MORN1: variants seen among roughly 807,000 people sequenced by gnomAD.
MORN1 encodes MORN repeat containing 1, also known as MORN repeat-containing protein 1.
Under a neutral mutation model 61.9 loss-of-function variants are expected in MORN1, and 67 were observed. The observed-to-expected ratio is 1.08, with a 90% confidence interval of 0.89 to 1.33. MORN1 has a LOEUF of 1.33. Ranked by LOEUF, MORN1 falls within the 40% of genes most tolerant of loss-of-function variation. The pLI is 0.00. For synonymous variants in MORN1, 301 were observed against 292.0 expected, an observed-to-expected ratio of 1.03 and a Z score of -0.31; for missense variants, 752 against 691.2, an observed-to-expected ratio of 1.09 and a Z score of -0.99.
At chr1:2,360,811 C>T (rs1335204507) in intron 8 of MORN1, among the ~76,000 whole-genome samples, 1 of 152,208 alleles carries the variant, frequency 6.6e-6, no homozygotes, top group Non-Finnish European at 1.5e-5. Context: ...GGTGCCTGTT[C>T]TCCTCAGCCA....
rs762919747 is a variant in MORN1 at position 2,385,911 on chromosome 1, C to T, written c.359-14G>A. On this transcript the variant is annotated splice_polypyrimidine_tract_variant and intron_variant, in intron 4 of 13. Transcript: ENST00000378531. ...GAAACCCGTGTCCTGGAGAAGGGAC[C>T]GAGAGACAGACTTGGCTTTGTGCCT... 16 of 1,611,794 alleles carry T rather than the reference C, an allele frequency of 9.9e-6. No individual in the cohort carries two copies. In the Admixed American group the frequency reaches 1.2e-4, roughly 12 times the overall value.
chr1:2,359,828 A>G (rs6424093), intron 8 of MORN1, among the ~76,000 whole-genome samples: 24,119 of 151,284 alleles, frequency 0.16, 2,320 homozygotes, highest in East Asian at 0.39. Flanking sequence ...GGCTGCAGTG[A>G]GCCAGGATCA....
At chr1:2,383,178 G>A (rs1215953380) in intron 6 of MORN1, among the ~76,000 whole-genome samples, 2 of 152,152 alleles carry the variant, frequency 1.3e-5, no homozygotes, top group African/African-American at 2.4e-5. Context: ...CCCTGTCAAC[G>A]TTTCTCCTTT....
chr1:2,344,441 G>T (rs1169396920), intron 10 of MORN1, among the ~76,000 whole-genome samples: 2 of 152,236 alleles, frequency 1.3e-5, no homozygotes, highest in Non-Finnish European at 2.9e-5. Context: ...GCGACCAGGA[G>T]CATGTGTGGG....
intron 10 of MORN1, among the ~76,000 whole-genome samples, chr1:2,344,494 CCCAAGG>C (rs1426201330): frequency 3.9e-5 from 6 of 152,184 alleles, no homozygotes; most frequent in African/African-American, 9.6e-5. Context: ...GTGCAGGAGC[CCCAAGG>C]CCGATGCTGC....
intron 13 of MORN1, chr1:2,321,990 A>C: frequency 1.0e-6 from 1 of 974,052 alleles, no homozygotes; most frequent in Non-Finnish European, 1.2e-6. Flanking sequence ...AAAATAATTC[A>C]TTCCCTCCAT....
intron 8 of MORN1, among the ~76,000 whole-genome samples, chr1:2,367,755 G>A (rs1327954234): frequency 6.6e-6 from 1 of 151,842 alleles, no homozygotes; most frequent in Non-Finnish European, 1.5e-5. Flanking sequence ...AGCCTCTCAA[G>A]TAGCTGGGAC....
chr1:2,358,409 A>G (rs1415701905), intron 9 of MORN1, among the ~76,000 whole-genome samples, 183 bp downstream of exon 9: 6 of 152,202 alleles, frequency 3.9e-5, no homozygotes, highest in African/African-American at 1.4e-4. Flanking sequence ...AAGAGGGGCC[A>G]CAGCAGAGGG....
intron 9 of MORN1, 122 bp downstream of exon 9, chr1:2,358,470 T>C: frequency 7.7e-7 from 1 of 1,306,878 alleles, no homozygotes; most frequent in South Asian, 1.3e-5. Flanking sequence ...ACATCGAATA[T>C]TTCATTTGTC....
chr1:2,344,928 C>T (rs1641478707), intron 10 of MORN1, among the ~76,000 whole-genome samples: 1 of 152,326 alleles, frequency 6.6e-6, no homozygotes, highest in Non-Finnish European at 1.5e-5. Flanking sequence ...AGCGTCAGCC[C>T]CCGCGAGGGT....
At chr1:2,366,760 T>G (rs867136067) in intron 8 of MORN1, among the ~76,000 whole-genome samples, 1 of 152,088 alleles carries the variant, frequency 6.6e-6, no homozygotes, top group African/African-American at 2.4e-5. Flanking sequence ...GGTCTCAAAC[T>G]CCTGACTTCA....
intron 8 of MORN1, among the ~76,000 whole-genome samples, chr1:2,362,035 C>T (rs1480353831): frequency 2.6e-5 from 4 of 151,926 alleles, no homozygotes; most frequent in Non-Finnish European, 4.4e-5. Flanking sequence ...AGTTTGAGAC[C>T]GCCCTGGCCA....
intron 13 of MORN1, chr1:2,322,241 T>C (rs1640897776): frequency 1.0e-6 from 1 of 985,394 alleles, no homozygotes; most frequent in Non-Finnish European, 1.2e-6. Flanking sequence ...TAACAAAAAG[T>C]GAGGTTGCCA....
In MORN1 at chr1:2,334,471, A is replaced by ATCT. The variant is rs1641223431; in HGVS notation, c.1250+1997_1250+1998insAGA. On this transcript the variant is annotated intron_variant, in intron 12 of 13. Coordinates refer to ENST00000378531, the MANE Select transcript of MORN1 (RefSeq NM_024848.3). The surrounding 1 kb of genome is among the most constrained non-coding windows in gnomAD (Gnocchi z 5.4). Reference sequence around the variant, plus strand: ...GAGTTCCCGATGGGAAAGACTCCCCAGGGTTTCCGCACCCAGAAGACGTAG... The same window carrying ATCT: ...GAGTTCCCGATGGGAAAGACTCCCCATCTGGGTTTCCGCACCCAGAAGACGTAG... 6.6e-6 allele frequency among the ~76,000 whole-genome samples: 1 copy of ATCT among 152,162 alleles called. No homozygotes were observed. Among genetic ancestry groups the ATCT allele is most frequent in the Non-Finnish European group, 1.5e-5 (1 of 68,020 alleles).
intron 10 of MORN1, among the ~76,000 whole-genome samples, chr1:2,348,575 G>C (rs1641566553): frequency 6.6e-6 from 1 of 152,010 alleles, no homozygotes; most frequent in African/African-American, 2.4e-5. Flanking sequence ...GCCAGAGCCG[G>C]AGAGTGCACA....
intron 13 of MORN1, chr1:2,322,070 G>A (rs1640893437): frequency 2.0e-6 from 2 of 985,248 alleles, no homozygotes; most frequent in Admixed American, 6.2e-5. Flanking sequence ...GCCCCGCCCT[G>A]GCCCCTTCCC....
rs530233496 is a variant in MORN1 at position 2,387,257 on chromosome 1, T to C, written c.358+162A>G. On this transcript the variant is annotated intron_variant, in intron 4 of 13. Transcript: ENST00000378531. ...ACTGGTGTATGCCGGGCATAGGACA[T>C]GGCCTGGTGGTGCGGAGAAGAGGGC... 5 of 650,524 alleles carry C rather than the reference T, an allele frequency of 7.7e-6. No individual in the cohort carries two copies. The East Asian group carries it at 1.1e-4, about 14-fold the overall frequency. 40.3% of individuals were successfully genotyped at this position (650,524 alleles called of 1,614,324 possible). A position where few individuals can be genotyped will look rare whatever the true frequency, so the allele number is the denominator to read the frequency against.
In MORN1 at chr1:2,372,674, C is replaced by T; in HGVS notation, c.635-83G>A. The T allele has an allele frequency of 9.7e-7, 1 of 1,035,368 alleles. No individual in the cohort carries two copies. Among genetic ancestry groups the T allele is most frequent in the Non-Finnish European group, 1.4e-6 (1 of 697,374 alleles). 64.1% of individuals were successfully genotyped at this position (1,035,368 alleles called of 1,614,324 possible). ...ATGGCTGAGTCAGCAGTGGGCACCCCAGGAACCGACCAGAGCCCAGTGTGG... is the reference window on the plus strand; with the variant it reads ...ATGGCTGAGTCAGCAGTGGGCACCCTAGGAACCGACCAGAGCCCAGTGTGG... On this transcript the variant is annotated intron_variant, in intron 7 of 13. Coordinates refer to ENST00000378531, the MANE Select transcript of MORN1 (RefSeq NM_024848.3). This position sits in a 1 kb window ranked among gnomAD's most constrained non-coding sequence, Gnocchi z 5.4.
At chr1:2,362,002 G>A (rs1641899751) in intron 8 of MORN1, among the ~76,000 whole-genome samples, 1 of 152,202 alleles carries the variant, frequency 6.6e-6, no homozygotes, top group South Asian at 2.1e-4. Context: ...GGGAGGCTGA[G>A]GCAGGCGGAT....
Sources: allele counts gnomAD v4.1 joint callset (sites outside exome capture counted in the v4.1 genomes callset), GRCh38; gene constraint gnomAD v4.1.1; non-coding constraint Gnocchi (gnomAD v3.1); transcripts MANE v1.5; gene names NCBI Gene and HGNC (gene_info 2026-07-23, HGNC 2026-07-21).